The following CSMD1 variants were observed in gnomAD, a reference collection of about 807,000 sequenced individuals.
The protein encoded by CSMD1 is CUB and sushi domain-containing protein 1.
A neutral mutation model predicts 417.5 loss-of-function variants in CSMD1; 213 were observed. That is an observed-to-expected ratio of 0.51 (90% CI 0.46 to 0.57). The LOEUF (loss-of-function observed/expected upper bound fraction) is 0.57. CSMD1 is among the 20% of genes least tolerant of loss of function. The probability of loss-of-function intolerance (pLI) is 0.00; values close to 1 mark genes in which losing one functional copy is unlikely to be tolerated. For synonymous variants in CSMD1, 2,862 were observed against 1,736.8 expected, an observed-to-expected ratio of 1.65 and a Z score of -16.11; for missense variants, 6,923 against 4,529.7, an observed-to-expected ratio of 1.53 and a Z score of -15.17.
chr8:4,399,257 C>T (rs80111595), intron 3 of CSMD1, among the ~76,000 whole-genome samples: 4,117 of 152,206 alleles, frequency 0.027, 193 homozygotes, highest in African/African-American at 0.092. Flanking sequence ...AATTCCTCCC[C>T]ACAAAAACAG....
chr8:3,904,494 C>T (rs563014195), intron 5 of CSMD1, among the ~76,000 whole-genome samples: 62 of 152,296 alleles, frequency 4.1e-4, no homozygotes, highest in African/African-American at 1.4e-3. Flanking sequence ...TTCTACGGTG[C>T]GGCTTGGTAT....
At chr8:4,902,994 G>A (rs999639908) in intron 1 of CSMD1, among the ~76,000 whole-genome samples, 4 of 137,196 alleles carry the variant, frequency 2.9e-5, no homozygotes, top group African/African-American at 1.2e-4. Flanking sequence ...ATAAATAAAT[G>A]ATAAATAATA....
intron 3 of CSMD1, among the ~76,000 whole-genome samples, chr8:4,295,430 TAAGA>T (rs1286030741): frequency 4.1e-5 from 6 of 144,730 alleles, no homozygotes; most frequent in Non-Finnish European, 7.5e-5. Context: ...CATATAATCT[TAAGA>T]TATATATAAT....
chr8:4,019,069 T>A (rs1225737563), intron 4 of CSMD1, among the ~76,000 whole-genome samples: 1 of 152,204 alleles, frequency 6.6e-6, no homozygotes, highest in African/African-American at 2.4e-5. Context: ...CTACTCCATT[T>A]GCTAGAAATT....
chr8:4,674,549 A>G (rs1207578107), intron 1 of CSMD1, among the ~76,000 whole-genome samples: 1 of 152,148 alleles, frequency 6.6e-6, no homozygotes, highest in Non-Finnish European at 1.5e-5. Flanking sequence ...TGACCATAAT[A>G]GTATTGAACA....
intron 3 of CSMD1, among the ~76,000 whole-genome samples, chr8:4,413,582 A>T (rs946010763): frequency 2.2e-4 from 33 of 152,062 alleles, no homozygotes; most frequent in African/African-American, 7.2e-4. Context: ...TCATAGCAAG[A>T]ACGCTTATTA....
chr8:3,642,014 C>T (rs975232993), intron 7 of CSMD1, among the ~76,000 whole-genome samples: 2 of 152,114 alleles, frequency 1.3e-5, no homozygotes, highest in Non-Finnish European at 2.9e-5. Context: ...AGCTAGGTTT[C>T]CCCCTCACCA....
chr8:4,920,126 G>A (rs1405336252), intron 1 of CSMD1, among the ~76,000 whole-genome samples: 1 of 152,170 alleles, frequency 6.6e-6, no homozygotes, highest in Non-Finnish European at 1.5e-5. Flanking sequence ...AGGTTATCAT[G>A]AAAATTCCTA....
intron 3 of CSMD1, among the ~76,000 whole-genome samples, chr8:4,343,272 G>A (rs1028334349): frequency 9.9e-5 from 15 of 152,026 alleles, no homozygotes; most frequent in African/African-American, 2.7e-4. Flanking sequence ...AGTGGTTGTG[G>A]GGAAGTGAAT....
Position 4,994,711 on chromosome 8 carries a change from G to A in CSMD1, c.-295C>T, listed in dbSNP as rs1338374295. 5 of 362,096 alleles carry A rather than the reference G, an allele frequency of 1.4e-5. No individual in the cohort carries two copies. 22.4% of individuals were successfully genotyped at this position (362,096 alleles called of 1,614,324 possible). ...GAGCCGGGCAGGAAGGCACCAAGGCGGCGAGGCTGCGGGAGGGGGAGAAGC... is the reference window on the plus strand; with the variant it reads ...GAGCCGGGCAGGAAGGCACCAAGGCAGCGAGGCTGCGGGAGGGGGAGAAGC... On this transcript the variant is annotated 5_prime_UTR_variant, in exon 1 of 70. Transcript: ENST00000635120.
At chr8:3,869,454 C>T (rs893934194) in intron 5 of CSMD1, among the ~76,000 whole-genome samples, 1 of 152,166 alleles carries the variant, frequency 6.6e-6, no homozygotes, top group Non-Finnish European at 1.5e-5. Context: ...AAGCGTGTCT[C>T]ACCTTAGTTT....
At chr8:3,790,793 C>G (rs1345636953) in intron 5 of CSMD1, among the ~76,000 whole-genome samples, 1 of 152,026 alleles carries the variant, frequency 6.6e-6, no homozygotes, top group African/African-American at 2.4e-5. Context: ...GGGGTTTTTG[C>G]AACATTGAGG....
At chr8:4,019,639 T>C (rs1796691721) in intron 4 of CSMD1, among the ~76,000 whole-genome samples, 1 of 152,198 alleles carries the variant, frequency 6.6e-6, no homozygotes, top group Non-Finnish European at 1.5e-5. Context: ...TGCATGAGGT[T>C]AGAAAGGGAG....
intron 1 of CSMD1, among the ~76,000 whole-genome samples, chr8:4,816,340 A>T (rs976741288): frequency 2.0e-5 from 3 of 151,940 alleles, no homozygotes; most frequent in African/African-American, 7.3e-5. Flanking sequence ...AAGCATCACC[A>T]CACCTGGGTA....
At chr8:4,660,726 T>C (rs138181932) in intron 1 of CSMD1, among the ~76,000 whole-genome samples, 4 of 152,086 alleles carry the variant, frequency 2.6e-5, no homozygotes, top group Non-Finnish European at 4.4e-5. Context: ...AATCACATAT[T>C]TGACAAAGGA....
intron 3 of CSMD1, among the ~76,000 whole-genome samples, chr8:4,234,862 C>T (rs1801951928): frequency 6.6e-6 from 1 of 152,080 alleles, no homozygotes; most frequent in African/African-American, 2.4e-5. Flanking sequence ...TGCTCTGTCC[C>T]CACGTAGCTT....
chr8:3,983,041 A>T (rs764777854), intron 5 of CSMD1, among the ~76,000 whole-genome samples: 47 of 152,036 alleles, frequency 3.1e-4, no homozygotes, highest in Non-Finnish European at 6.3e-4. Flanking sequence ...TGGGGCCGGG[A>T]TCCCAATCCA....
chr8:3,759,739 C>G (rs921801499), intron 5 of CSMD1, among the ~76,000 whole-genome samples: 1 of 110,682 alleles, frequency 9.0e-6, no homozygotes. Flanking sequence ...ACTAAAAATA[C>G]CAAAAAAAAA....
At chr8:3,240,408 C>G (rs944312268) in intron 26 of CSMD1, among the ~76,000 whole-genome samples, 1 of 133,462 alleles carries the variant, frequency 7.5e-6, no homozygotes, top group African/African-American at 2.7e-5. Context: ...AAGTATCCAA[C>G]CATGCCTAGG....
Sources: gnomAD v4.1 joint callset for allele counts (sites outside exome capture counted in the v4.1 genomes callset) on GRCh38, gnomAD v4.1.1 for gene constraint, MANE v1.5 for transcripts, NCBI Gene and HGNC (gene_info 2026-07-23, HGNC 2026-07-21) for gene names.